The following ENPP1 variants were observed in gnomAD, a reference collection of about 807,000 sequenced individuals.
ENPP1 encodes ectonucleotide pyrophosphatase/phosphodiesterase 1.
In ENPP1, 73 loss-of-function variants were observed where a neutral mutation model predicts 122.8. The ratio of observed to expected loss-of-function variants is 0.59; its 90% CI spans 0.49 to 0.72. The LOEUF is 0.72. Among genes scored for constraint, ENPP1 ranks in the 30% least tolerant of loss-of-function variants. ENPP1 has a pLI of 0.00. For synonymous variants in ENPP1, 367 were observed against 391.6 expected (o/e 0.94, Z 0.74); for missense variants, 978 against 1,128.1 (o/e 0.87, Z 1.91).
chr6:131,885,776 C>T, intron 23 of ENPP1, among the ~76,000 whole-genome samples: 1 of 152,282 alleles, frequency 6.6e-6, no homozygotes, highest in South Asian at 2.1e-4. Context: ...GAAAGCACAT[C>T]AATTTGCAAA....
intron 1 of ENPP1, chr6:131,820,394 G>T (rs986032890): frequency 1.3e-5 from 2 of 156,504 alleles, no homozygotes; most frequent in Non-Finnish European, 2.8e-5. Flanking sequence ...GGCTGATTTG[G>T]CTATCTGGCT....
chr6:131,872,082 G>A lies in ENPP1; in HGVS notation c.1418G>A (p.Gly473Asp), dbSNP rs772396791. 5 of 1,589,850 alleles carry A rather than the reference G, an allele frequency of 3.1e-6. No homozygotes were observed. In the East Asian group the frequency reaches 6.7e-5, roughly 21 times the overall value. ...PDKYYSFNYE[G>D]IARNLSCREP... The stretch of plus-strand genomic sequence containing the variant: ...TGTTCCCCTCCAGTTAACTATGAAG[G>A]CATTGCCCGAAATCTTTCTGTGAGT... Residue 473 changes from glycine (G) to aspartate (D), a missense_variant, in exon 14 of 25, where the codon GGC becomes GAC. Coordinates refer to ENST00000647893, the MANE Select transcript of ENPP1 (RefSeq NM_006208.3).
chr6:131,878,893 A>T (rs1292016670), intron 19 of ENPP1, among the ~76,000 whole-genome samples: 1 of 152,212 alleles, frequency 6.6e-6, no homozygotes, highest in African/African-American at 2.4e-5. Flanking sequence ...GTAAGTTGAT[A>T]ATAGAGACTG....
At chr6:131,877,866 A>AAAT (rs1562183349) in intron 18 of ENPP1, 20 of 53,034 alleles carry the variant, frequency 3.8e-4, no homozygotes, top group Admixed American at 1.1e-3. Context: ...AAAAAAAAAA[A>AAAT]ATATATATAT....
At chr6:131,882,665 CTA>C (rs899699736) in intron 21 of ENPP1, among the ~76,000 whole-genome samples, 191 bp downstream of exon 21, 7 of 141,442 alleles carry the variant, frequency 4.9e-5, no homozygotes, top group African/African-American at 1.6e-4. Flanking sequence ...ATATATATAG[CTA>C]TATATATATA....
At position 131,868,038 on chromosome 6, in the gene ENPP1, G is replaced by T; in HGVS notation, c.1185G>T (p.Arg395Ser). 6.2e-7 allele frequency: 1 copy of T among 1,613,116 alleles called. No homozygotes were observed. The highest frequency in any genetic ancestry group is 1.1e-5 in the South Asian group (1 of 91,044). The change falls in exon 12 of 25, where the codon AGG becomes AGT. Residue 395 changes from arginine to serine, a missense_variant. Arg to Ser is a moderately radical substitution (Grantham distance 110). Around this residue, in one of 3 missense-constraint regions of ENPP1, gnomAD observed 644 missense variants for 781.5 expected, o/e 0.82. Transcript: ENST00000647893. ...VSSEVIKALQ[R>S]VDGMVGMLMD... The stretch of plus-strand genomic sequence containing the variant: ...CTTAGGTCATCAAAGCCTTGCAGAG[G>T]GTTGATGGTATGGTTGGTATGCTGA...
rs772387213 is a variant in ENPP1 at position 131,886,672 on chromosome 6, A to T, written c.2555A>T (p.Asp852Val). The T allele has an allele frequency of 2.8e-5, 45 of 1,614,062 alleles. No individual in the cohort carries two copies. In the East Asian group the frequency reaches 9.8e-4, roughly 35 times the overall value. ...ACGCCTTTGCACTGTGAAAACCTAG[A>T]CACCTTAGCTTTCATTTTGCCTCAC... ...SQTPLHCENL[D>V]TLAFILPHRT... The change falls in exon 24 of 25, where the codon GAC becomes GTC. Residue 852 changes from aspartate (D) to valine (V), a missense_variant. Transcript: ENST00000647893.
intron 5 of ENPP1, among the ~76,000 whole-genome samples, chr6:131,854,103 A>G (rs1287196588): frequency 6.6e-6 from 1 of 152,174 alleles, no homozygotes; most frequent in Admixed American, 6.5e-5. Flanking sequence ...TATTAAGCCT[A>G]AAAACTAAAT....
intron 5 of ENPP1, among the ~76,000 whole-genome samples, chr6:131,852,906 A>G (rs1015205134): frequency 6.6e-6 from 1 of 151,900 alleles, no homozygotes; most frequent in African/African-American, 2.4e-5. Context: ...TGTCCTTCAG[A>G]TATTTTGTAC....
At chr6:131,883,451 C>G (rs1782338285) in intron 21 of ENPP1, among the ~76,000 whole-genome samples, 2 of 152,122 alleles carry the variant, frequency 1.3e-5, no homozygotes, top group Non-Finnish European at 2.9e-5. Flanking sequence ...ATTTGGGGCT[C>G]TTGTTATTAA....
chr6:131,831,651 T>C (rs1781616146), intron 1 of ENPP1, among the ~76,000 whole-genome samples: 1 of 152,208 alleles, frequency 6.6e-6, no homozygotes, highest in Admixed American at 6.5e-5. Flanking sequence ...CTCATGATTA[T>C]ACTTGACTGA....
chr6:131,837,338 C>A (rs1463312271), intron 1 of ENPP1, among the ~76,000 whole-genome samples: 1 of 151,772 alleles, frequency 6.6e-6, no homozygotes, highest in Admixed American at 6.6e-5. Context: ...CCATCCTGGC[C>A]AACATGGTGA....
Position 131,875,819 on chromosome 6 carries a change from A to T in ENPP1, c.1679A>T (p.Glu560Val). The change falls in exon 17 of 25, where the codon GAG (glutamate) becomes GTG (valine). Residue 560 changes from glutamate to valine, a missense_variant. Glu to Val is a moderately radical substitution (Grantham distance 121). Coordinates refer to ENST00000647893, the MANE Select transcript of ENPP1 (RefSeq NM_006208.3). ...GGACCTGGATTCAAGCATGGCATTG[A>T]GGCTGACACCTTTGAAAACATTGAA... ...GYGPGFKHGI[E>V]ADTFENIEVY... 1 of 1,614,094 alleles carries T rather than the reference A, an allele frequency of 6.2e-7. No individual in the cohort carries two copies. Among genetic ancestry groups the T allele is most frequent in the Non-Finnish European group, 8.5e-7 (1 of 1,179,940 alleles).
At position 131,826,727 on chromosome 6, in the gene ENPP1, G is replaced by T. The variant is rs1781550469; in HGVS notation, c.240+18452G>T. On this transcript the variant is annotated intron_variant, in intron 1 of 24. Transcript: ENST00000647893. ...TCAGTGAAGGCAAGAGGTCTGCAAT[G>T]ACTTGTGGGATCTGGGAGAGGCTAC... is the stretch of plus-strand genomic sequence containing the variant. The T allele has an allele frequency of 7.7e-6, 4 of 522,542 alleles. 1 individual carries two copies. The South Asian group carries it at 8.2e-5, about 11-fold the overall frequency. The allele number at this position is 522,542 out of a possible 1,614,324, so 32.4% of individuals were successfully genotyped here.
At chr6:131,820,953 A>G (rs1328839979) in intron 1 of ENPP1, among the ~76,000 whole-genome samples, 1 of 152,240 alleles carries the variant, frequency 6.6e-6, no homozygotes, top group Non-Finnish European at 1.5e-5. Flanking sequence ...AGTAAATTAT[A>G]TAATGTGTAC....
chr6:131,869,854 T>TA (rs757712283), intron 13 of ENPP1, among the ~76,000 whole-genome samples: 3,039 of 98,958 alleles, frequency 0.031, 63 homozygotes, highest in Middle Eastern at 0.043. Flanking sequence ...AGACTTGGTC[T>TA]AAAAAAAAAA....
chr6:131,840,729 G>A (rs550725422), intron 1 of ENPP1, among the ~76,000 whole-genome samples: 13 of 152,318 alleles, frequency 8.5e-5, no homozygotes, highest in Middle Eastern at 6.8e-3. Flanking sequence ...CACTGCAGTT[G>A]TTTTGTGCAC....
Position 131,862,932 on chromosome 6 carries a change from G to T in ENPP1, c.1025+1228G>T, listed in dbSNP as rs867019658. ...TGTGTGTGTTTTTTTTTTCTGGGCGGTGGGGAAGGGCTATTACCAACTTTG... is the reference window on the plus strand; with the variant it reads ...TGTGTGTGTTTTTTTTTTCTGGGCGTTGGGGAAGGGCTATTACCAACTTTG... On this transcript the variant is annotated intron_variant, in intron 9 of 24. Transcript: ENST00000647893. Among the ~76,000 whole-genome samples the T allele has an allele frequency of 5.9e-5, 9 of 152,182 alleles. No homozygotes were observed. The South Asian group carries it at 1.9e-3, about 32-fold the overall frequency.
rs547361966 is a variant in ENPP1, at chr6:131,847,982, A to G, written c.313+134A>G. ...GTACTCCATAGATATTGTCAATTCA[A>G]CGCTGGCTTGAGCCTTTTTCCTGAA... On this transcript the variant is annotated intron_variant, in intron 2 of 24. Coordinates refer to ENST00000647893, the MANE Select transcript of ENPP1 (RefSeq NM_006208.3). 6.0e-6 allele frequency: 4 copies of G among 671,460 alleles called. No homozygotes were observed. The South Asian group carries it at 6.3e-5, about 11-fold the overall frequency. 41.6% of individuals were successfully genotyped at this position (671,460 alleles called of 1,614,324 possible).
Sources: gnomAD v4.1 joint callset for allele counts (sites outside exome capture counted in the v4.1 genomes callset) on GRCh38, gnomAD v4.1.1 for gene constraint, gnomAD v4.1.1 regional missense constraint, MANE v1.5 for transcripts, NCBI Gene and HGNC (gene_info 2026-07-23, HGNC 2026-07-21) for gene names.